Variants in MDFIC observed in about 807,000 individuals in gnomAD.
MDFIC encodes the protein myoD family inhibitor domain-containing protein.
In MDFIC, 17 loss-of-function variants were observed where a neutral mutation model predicts 23.2. The observed-to-expected ratio is 0.73, with a 90% CI of 0.50 to 1.10. MDFIC has a LOEUF of 1.10. MDFIC is among the 50% of genes least tolerant of loss of function. The pLI is 0.00. For synonymous variants in MDFIC, 120 were observed against 115.2 expected, an observed-to-expected ratio of 1.04 and a Z score of -0.27; for missense variants, 356 against 316.6, an observed-to-expected ratio of 1.12 and a Z score of -0.95.
intron 3 of MDFIC, among the ~76,000 whole-genome samples, chr7:114,960,196 A>C (rs1792962364): frequency 6.6e-6 from 1 of 152,146 alleles, no homozygotes; most frequent in Non-Finnish European, 1.5e-5. Context: ...TGAAAATCGA[A>C]ATGGAAATAT....
At position 114,923,032 on chromosome 7, in the gene MDFIC, C is replaced by A; in HGVS notation, c.-2C>A. On this transcript the variant is annotated 5_prime_UTR_variant, in exon 2 of 5. Coordinates refer to ENST00000393486, the MANE Select transcript of MDFIC (RefSeq NM_001166345.3). Reference sequence around the variant, plus strand: ...CGCGGCGCGGGCTCGGCGGAGCGGCCCATGTCCGGCGCGGGCGAAGCCCTC... The same window carrying A: ...CGCGGCGCGGGCTCGGCGGAGCGGCACATGTCCGGCGCGGGCGAAGCCCTC... The A allele has an allele frequency of 2.2e-6, 3 of 1,382,254 alleles. No homozygotes were observed. Among genetic ancestry groups the A allele is most frequent in the Admixed American group, 3.9e-5 (1 of 25,870 alleles). 85.6% of individuals were successfully genotyped at this position (1,382,254 alleles called of 1,614,324 possible).
chr7:114,932,645 T>C (rs900220069), intron 2 of MDFIC, among the ~76,000 whole-genome samples: 1 of 152,180 alleles, frequency 6.6e-6, no homozygotes, highest in Non-Finnish European at 1.5e-5. Flanking sequence ...ACTGTGGAAG[T>C]TGATGAGACT....
At chr7:114,956,947 A>G (rs986246080) in intron 3 of MDFIC, among the ~76,000 whole-genome samples, 1 of 152,078 alleles carries the variant, frequency 6.6e-6, no homozygotes. Context: ...TCTGTTTGGG[A>G]TAGGGTGTGT....
At chr7:114,997,346 G>A (rs1174003816) in intron 4 of MDFIC, among the ~76,000 whole-genome samples, 1 of 152,006 alleles carries the variant, frequency 6.6e-6, no homozygotes, top group Non-Finnish European at 1.5e-5. Context: ...GAAGGTGAGA[G>A]GGGAGGAGAT....
At chr7:114,922,792 C>T in intron 1 of MDFIC, 135 bp from the exon 2 acceptor site, 1 of 1,308,864 alleles carries the variant, frequency 7.6e-7, no homozygotes, top group Non-Finnish European at 1.0e-6. Flanking sequence ...CAGTTTTCTT[C>T]GCAAGTTTCA....
intron 3 of MDFIC, among the ~76,000 whole-genome samples, chr7:114,944,867 TC>T (rs1181083511): frequency 4.6e-5 from 7 of 151,840 alleles, no homozygotes; most frequent in African/African-American, 1.7e-4. Flanking sequence ...ATTCCAGGAG[TC>T]CTGTGTGGCT....
intron 3 of MDFIC, among the ~76,000 whole-genome samples, chr7:114,972,558 G>T (rs1035005885): frequency 6.6e-6 from 1 of 152,092 alleles, no homozygotes; most frequent in Admixed American, 6.5e-5. Context: ...AAAACTACAT[G>T]ATATCATTAT....
rs115871931 is a variant in MDFIC, at chr7:114,946,759, G to A, written c.217+4362G>A. 2.6e-3 allele frequency among the ~76,000 whole-genome samples: 397 copies of A among 152,210 alleles called. 3 individuals carry two copies. The highest frequency in any genetic ancestry group is 8.7e-3 in the African/African-American group (363 of 41,538). On this transcript the variant is annotated intron_variant, in intron 3 of 4. Coordinates refer to ENST00000393486, the MANE Select transcript of MDFIC (RefSeq NM_001166345.3). ...ACTTGCTCACCCTTATGGAGCTGCC[G>A]TATCATGCCTTTTCACTCATCTTGC...
intron 2 of MDFIC, among the ~76,000 whole-genome samples, chr7:114,929,585 T>C (rs2115696160): frequency 6.6e-6 from 1 of 152,336 alleles, no homozygotes; most frequent in Non-Finnish European, 1.5e-5. Context: ...AGGTAATCCA[T>C]AAGTTTGCTT....
At chr7:114,945,396 C>A (rs1792624457) in intron 3 of MDFIC, among the ~76,000 whole-genome samples, 1 of 152,114 alleles carries the variant, frequency 6.6e-6, no homozygotes, top group Non-Finnish European at 1.5e-5. Flanking sequence ...GAACTTTAAC[C>A]CTGACCTTAG....
chr7:114,925,155 C>T (rs921402070), intron 2 of MDFIC, among the ~76,000 whole-genome samples: 16 of 151,962 alleles, frequency 1.1e-4, no homozygotes, highest in Non-Finnish European at 2.1e-4. Context: ...ATTTCAGGAA[C>T]ATGAAGGATA....
intron 3 of MDFIC, among the ~76,000 whole-genome samples, chr7:114,969,537 G>A (rs1394848978): frequency 1.3e-5 from 2 of 152,174 alleles, no homozygotes; most frequent in Non-Finnish European, 2.9e-5. Context: ...CAAACTCTGT[G>A]TATAAAATGT....
At chr7:115,008,299 T>G (rs1363989820) in intron 4 of MDFIC, among the ~76,000 whole-genome samples, 2 of 137,722 alleles carry the variant, frequency 1.5e-5, no homozygotes, top group East Asian at 2.1e-4. Flanking sequence ...GGCAGTGCTG[T>G]TTTTTTTTTT....
At chr7:114,951,122 A>C (rs1792760729) in intron 3 of MDFIC, among the ~76,000 whole-genome samples, 1 of 152,312 alleles carries the variant, frequency 6.6e-6, no homozygotes, top group South Asian at 2.1e-4. Flanking sequence ...GGAGGTTGGG[A>C]CTGCAGTGAA....
Position 115,016,644 on chromosome 7 carries a change from CTAAA to C in MDFIC, c.*750_*753del, listed in dbSNP as rs35602216. On this transcript the variant is annotated 3_prime_UTR_variant, in exon 5 of 5. Coordinates refer to ENST00000393486, the MANE Select transcript of MDFIC (RefSeq NM_001166345.3). ...TGGGCAACAGAGCGAGACTCCATCT[CTAAA>C]TAAATAAATAAATAAATAAATAAAT... 1,381 of 142,410 alleles carry C rather than the reference CTAAA, an allele frequency of 9.7e-3. 8 individuals are homozygous for C. Among genetic ancestry groups the C allele is most frequent in the East Asian group, 0.041 (208 of 5,044 alleles). The allele number at this position is 142,410 out of a possible 1,614,324, so 8.8% of individuals were successfully genotyped here. A position where few individuals can be genotyped will look rare whatever the true frequency, so the allele number is the denominator to read the frequency against.
In MDFIC at chr7:114,923,096, G is replaced by A; in HGVS notation, c.63G>A (p.Ala21=). 1 of 1,446,910 alleles carries A rather than the reference G, an allele frequency of 6.9e-7. No homozygotes were observed. Among genetic ancestry groups the A allele is most frequent in the South Asian group, 1.3e-5 (1 of 76,662 alleles). The allele number at this position is 1,446,910 out of a possible 1,614,324, so 89.6% of individuals were successfully genotyped here. A position where few individuals can be genotyped will look rare whatever the true frequency, so the allele number is the denominator to read the frequency against. The change falls in exon 2 of 5, where the codon GCG becomes GCA. Residue 21 remains alanine (A), a synonymous_variant. Coordinates refer to ENST00000393486, the MANE Select transcript of MDFIC (RefSeq NM_001166345.3). The stretch of plus-strand genomic sequence containing the variant: ...TGGGGCCGCAGCGCGTGGCCGAGGC[G>A]GGCGGCGGCCAGCTGGGCTCCACAG... The part of the protein sequence containing the change: ...GPVGPQRVAE[A]GGGQLGSTAQ...
chr7:114,982,070 C>T (rs992242694), intron 4 of MDFIC, among the ~76,000 whole-genome samples: 2 of 152,142 alleles, frequency 1.3e-5, no homozygotes, highest in South Asian at 2.1e-4. Context: ...AAATTAAGTT[C>T]GGTTCCAAGA....
rs543906024 is a variant in MDFIC, at chr7:114,922,146, C to G, written c.-598C>G. ...GGGCGCAGCGCCCGGGTGGGGAGCC[C>G]GAGCCAGCCCAGGCCGGCTCTGGCC... On this transcript the variant is annotated 5_prime_UTR_variant, in exon 1 of 5. Transcript: ENST00000393486. 2 of 344,560 alleles carry G rather than the reference C, an allele frequency of 5.8e-6. No individual in the cohort carries two copies. The highest frequency in any genetic ancestry group is 3.1e-4 in the South Asian group (2 of 6,556). The allele number at this position is 344,560 out of a possible 1,614,324, so 21.3% of individuals were successfully genotyped here. A position where few individuals can be genotyped will look rare whatever the true frequency, so the allele number is the denominator to read the frequency against.
intron 3 of MDFIC, among the ~76,000 whole-genome samples, chr7:114,966,895 T>C (rs1793107541): frequency 6.6e-6 from 1 of 152,178 alleles, no homozygotes. Context: ...AGATTGTTAA[T>C]GGACAGAGTT....
Sources: allele counts gnomAD v4.1 joint callset (sites outside exome capture counted in the v4.1 genomes callset), GRCh38; gene constraint gnomAD v4.1.1; transcripts MANE v1.5; gene names NCBI Gene and HGNC (gene_info 2026-07-23, HGNC 2026-07-21).